Variants in TUSC3 observed in about 807,000 individuals in gnomAD.
The protein encoded by TUSC3 is dolichyl-diphosphooligosaccharide--protein glycosyltransferase subunit TUSC3.
A neutral mutation model predicts 44.8 loss-of-function variants in TUSC3; 45 were observed. The ratio of observed to expected loss-of-function variants is 1.00; its 90% confidence interval spans 0.79 to 1.29. The LOEUF is 1.29. Ranked by LOEUF, TUSC3 falls within the 50% of genes most tolerant of loss-of-function variation. The pLI is 0.00. For missense variants in TUSC3, 519 were observed against 437.9 expected (o/e 1.19, Z -1.65); for synonymous variants, 212 against 152.9 (o/e 1.39, Z -2.85).
At chr8:15,490,444 C>G (rs908225309) in intron 2 of TUSC3, among the ~76,000 whole-genome samples, 2 of 152,094 alleles carry the variant, frequency 1.3e-5, no homozygotes. Flanking sequence ...CATCACCACC[C>G]TGCAATTTTC....
chr8:15,747,429 C>G (rs1563203112), intron 8 of TUSC3, among the ~76,000 whole-genome samples: 3 of 150,914 alleles, frequency 2.0e-5, no homozygotes, highest in African/African-American at 7.3e-5. Flanking sequence ...CTAATTTCTA[C>G]TTATATATTT....
chr8:15,474,007 C>T (rs370835658), intron 1 of TUSC3, among the ~76,000 whole-genome samples: 1 of 152,110 alleles, frequency 6.6e-6, no homozygotes, highest in South Asian at 2.1e-4. Flanking sequence ...TTAAGACCGG[C>T]ACTCCCAGAG....
At chr8:15,603,316 A>G (rs554427912) in intron 1 of TUSC3, among the ~76,000 whole-genome samples, 6 of 151,846 alleles carry the variant, frequency 4.0e-5, no homozygotes, top group African/African-American at 1.2e-4. Context: ...TTGAGATGCT[A>G]TTTGTTACTT....
intron 8 of TUSC3, among the ~76,000 whole-genome samples, chr8:15,746,401 G>GTGATTTTTA (rs1440908770): frequency 9.9e-5 from 15 of 152,054 alleles, no homozygotes; most frequent in Non-Finnish European, 2.2e-4. Context: ...CCTTTTTGAT[G>GTGATTTTTA]TGATTTTTAT....
intron 7 of TUSC3, among the ~76,000 whole-genome samples, chr8:15,742,295 T>C (rs898229331): frequency 6.6e-6 from 1 of 152,004 alleles, no homozygotes; most frequent in African/African-American, 2.4e-5. Flanking sequence ...TTTCCTTTTT[T>C]CTAGAAAGGG....
chr8:15,633,563 A>T (rs1335537971), intron 2 of TUSC3, among the ~76,000 whole-genome samples: 3 of 152,200 alleles, frequency 2.0e-5, no homozygotes, highest in Non-Finnish European at 2.9e-5. Flanking sequence ...AATATGACCG[A>T]TGCCATATCA....
chr8:15,479,498 A>G (rs766346514), intron 1 of TUSC3, among the ~76,000 whole-genome samples: 12 of 152,158 alleles, frequency 7.9e-5, no homozygotes, highest in Non-Finnish European at 1.6e-4. Context: ...AATTTTCTGT[A>G]TATGGCTAGC....
At chr8:15,500,506 C>G (rs1800945168) in intron 2 of TUSC3, among the ~76,000 whole-genome samples, 1 of 152,120 alleles carries the variant, frequency 6.6e-6, no homozygotes, top group Non-Finnish European at 1.5e-5. Flanking sequence ...TGTTAACACA[C>G]AAAAAAGGAA....
intron 8 of TUSC3, among the ~76,000 whole-genome samples, chr8:15,746,775 A>C (rs1811435361): frequency 6.6e-6 from 1 of 152,116 alleles, no homozygotes; most frequent in Admixed American, 6.6e-5. Flanking sequence ...GAAAAGAAAG[A>C]CGTGTTAGAT....
At chr8:15,562,680 A>T (rs558541086) in intron 1 of TUSC3, among the ~76,000 whole-genome samples, 159 of 152,224 alleles carry the variant, frequency 1.0e-3, no homozygotes, top group African/African-American at 3.7e-3. Context: ...TGGTAGTTGT[A>T]GGAAGGAGTT....
At chr8:15,736,150 T>A (rs2543145) in intron 7 of TUSC3, among the ~76,000 whole-genome samples, 109,963 of 152,098 alleles carry the variant, frequency 0.72, 40,041 homozygotes, top group African/African-American at 0.77. Context: ...TGCATGTGCT[T>A]TGTGCTGAGA....
At chr8:15,567,389 A>G (rs1560216) in intron 1 of TUSC3, among the ~76,000 whole-genome samples, 128,898 of 152,134 alleles carry the variant, frequency 0.85, 54,836 homozygotes, top group Non-Finnish European at 0.87. Flanking sequence ...TTAGCATAAG[A>G]TCCTTTGCAT....
At chr8:15,847,655 C>T in the TUSC3 span, among the ~76,000 whole-genome samples, 3 of 152,126 alleles carry the variant, frequency 2.0e-5, no homozygotes, top group Non-Finnish European at 4.4e-5. Flanking sequence ...CATTTTTAAG[C>T]TTTGTGATCT....
intron 1 of TUSC3, among the ~76,000 whole-genome samples, chr8:15,446,302 T>C (rs1045875743): frequency 3.3e-5 from 5 of 149,908 alleles, no homozygotes; most frequent in African/African-American, 1.2e-4. Flanking sequence ...CAGGCAGAGA[T>C]GCTCCTTACT....
At chr8:15,437,400 T>C (rs1799962576) in intron 1 of TUSC3, among the ~76,000 whole-genome samples, 1 of 152,312 alleles carries the variant, frequency 6.6e-6, no homozygotes, top group Middle Eastern at 3.4e-3. Context: ...TTCTTAATTT[T>C]TTATGGCTTA....
At chr8:15,808,372 G>T in the TUSC3 span, among the ~76,000 whole-genome samples, 2 of 152,132 alleles carry the variant, frequency 1.3e-5, no homozygotes, top group East Asian at 3.9e-4. Context: ...GAGATAAAAT[G>T]ATACATTTAC....
intron 1 of TUSC3, among the ~76,000 whole-genome samples, chr8:15,443,207 C>G (rs957059257): frequency 4.0e-5 from 6 of 151,798 alleles, no homozygotes; most frequent in African/African-American, 1.5e-4. Context: ...ACACTGTCAC[C>G]CAGGCTGGAG....
intron 1 of TUSC3, among the ~76,000 whole-genome samples, chr8:15,616,061 T>G (rs910574145): frequency 6.6e-6 from 1 of 152,154 alleles, no homozygotes; most frequent in South Asian, 2.1e-4. Context: ...GGTGTAGGAA[T>G]AAGTTCTAAT....
chr8:15,736,325 A>C (rs1810935589), intron 7 of TUSC3, among the ~76,000 whole-genome samples: 1 of 152,256 alleles, frequency 6.6e-6, no homozygotes, highest in Non-Finnish European at 1.5e-5. Flanking sequence ...GGCTTGAGGC[A>C]CATGGATCTT....
Sources: allele counts gnomAD v4.1 joint callset (sites outside exome capture counted in the v4.1 genomes callset), GRCh38; gene constraint gnomAD v4.1.1; transcripts MANE v1.5; gene names NCBI Gene and HGNC (gene_info 2026-07-23, HGNC 2026-07-21).